Variants in TMEM266 observed in about 807,000 individuals in gnomAD.
The protein encoded by TMEM266 is Hv1 related protein 1.
TMEM266 carries 33 observed loss-of-function variants against 50.5 expected under a neutral mutation model. That is an observed-to-expected ratio of 0.65 (90% CI 0.50 to 0.87). The LOEUF is 0.87. Among genes scored for constraint, TMEM266 ranks in the 40% least tolerant of loss-of-function variants. The pLI is 0.00. For synonymous variants in TMEM266, 310 were observed against 292.3 expected, an observed-to-expected ratio of 1.06 and a Z score of -0.62; for missense variants, 655 against 695.1, an observed-to-expected ratio of 0.94 and a Z score of 0.65.
At chr15:76,149,618 A>T (rs763149627) in intron 3 of TMEM266, among the ~76,000 whole-genome samples, 49 of 152,210 alleles carry the variant, frequency 3.2e-4, no homozygotes, top group Non-Finnish European at 1.5e-4. Flanking sequence ...CATTTCAGGG[A>T]TTAGGAAACT....
At chr15:76,066,634 C>T (rs2036425852) in intron 1 of TMEM266, among the ~76,000 whole-genome samples, 1 of 148,208 alleles carries the variant, frequency 6.7e-6, no homozygotes, top group Non-Finnish European at 1.5e-5. Context: ...GGAAGGGCTG[C>T]CTACTTAAAA....
intron 4 of TMEM266, among the ~76,000 whole-genome samples, chr15:76,158,948 G>A (rs1027421669): frequency 1.3e-5 from 2 of 152,186 alleles, no homozygotes; most frequent in Admixed American, 6.5e-5. Context: ...CCAGAGCTTC[G>A]GGAGAGGTTG....
intron 1 of TMEM266, among the ~76,000 whole-genome samples, chr15:76,071,241 C>T (rs1405136502): frequency 6.6e-6 from 1 of 152,180 alleles, no homozygotes; most frequent in African/African-American, 2.4e-5. Context: ...GGATTCCTGT[C>T]ATGGGATGTC....
At chr15:76,091,266 A>G (rs1404593200) in intron 1 of TMEM266, among the ~76,000 whole-genome samples, 1 of 152,188 alleles carries the variant, frequency 6.6e-6, no homozygotes, top group African/African-American at 2.4e-5. Flanking sequence ...AAATTACTTG[A>G]GGGTGTACTC....
At position 76,191,917 on chromosome 15, in the gene TMEM266, C is replaced by G. The variant is rs530571797; in HGVS notation, c.769-51C>G. 2.7e-6 allele frequency: 4 copies of G among 1,497,978 alleles called. No homozygotes were observed. The South Asian group carries it at 4.0e-5, about 15-fold the overall frequency. The allele number at this position is 1,497,978 out of a possible 1,614,324, so 92.8% of individuals were successfully genotyped here. A position where few individuals can be genotyped will look rare whatever the true frequency, so the allele number is the denominator to read the frequency against. ...AAGCGCCCAGAGGTCAGGCTGGAGG[C>G]CCCCGCCGGCCCCTCGCCGCTGATT... On this transcript the variant is annotated intron_variant, in intron 8 of 10. Transcript: ENST00000388942.
rs574228267 is a variant in TMEM266 at position 76,173,862 on chromosome 15, G to A, written c.653-1697G>A. ...GCATGAGAATCGCTTGAACCCAGGA[G>A]GTAGGGGTTGCAGTGAGCTGAGATC... On this transcript the variant is annotated intron_variant, in intron 7 of 10. Coordinates refer to ENST00000388942, the MANE Select transcript of TMEM266 (RefSeq NM_152335.3). 2.6e-4 allele frequency among the ~76,000 whole-genome samples: 40 copies of A among 151,978 alleles called. 1 individual carries two copies. The South Asian group carries it at 8.1e-3, about 31-fold the overall frequency.
chr15:76,089,109 A>AG (rs1369504576), intron 1 of TMEM266, among the ~76,000 whole-genome samples: 59 of 149,566 alleles, frequency 3.9e-4, no homozygotes, highest in African/African-American at 1.4e-3. Flanking sequence ...AAAAAAAAAA[A>AG]AAAAAGAGGA....
At chr15:76,069,833 A>T (rs918766469) in intron 1 of TMEM266, among the ~76,000 whole-genome samples, 1 of 152,106 alleles carries the variant, frequency 6.6e-6, no homozygotes. Flanking sequence ...AGAAAAAAAA[A>T]AAAGAAACCT....
At chr15:76,075,926 G>A (rs530436472) in intron 1 of TMEM266, among the ~76,000 whole-genome samples, 1 of 123,616 alleles carries the variant, frequency 8.1e-6, no homozygotes, top group African/African-American at 3.1e-5. Context: ...GCACAATCAT[G>A]GGTCGCTGCT....
intron 1 of TMEM266, 80 bp from the exon 2 acceptor site, chr15:76,134,088 A>T: frequency 1.7e-6 from 1 of 582,690 alleles, no homozygotes; most frequent in Non-Finnish European, 3.0e-6. Context: ...AGAAAGTTCT[A>T]AGGACTCCCA....
At chr15:76,201,073 C>T (rs2038738766) in intron 9 of TMEM266, among the ~76,000 whole-genome samples, 1 of 152,176 alleles carries the variant, frequency 6.6e-6, no homozygotes, top group Non-Finnish European at 1.5e-5. Flanking sequence ...CTAGGGGCAG[C>T]CCTGGAGCAC....
chr15:76,127,646 T>G (rs1451118180), intron 1 of TMEM266, among the ~76,000 whole-genome samples: 1 of 152,144 alleles, frequency 6.6e-6, no homozygotes, highest in Non-Finnish European at 1.5e-5. Context: ...ATTGCCTAAG[T>G]CACTGCTAGG....
chr15:76,203,862 C>G lies in TMEM266; in HGVS notation c.1143C>G (p.Gly381=), dbSNP rs199952661. The stretch of plus-strand genomic sequence containing the variant: ...TGCCCCTCAAACTCGGCGGTAATGG[C>G]ACCAGCGCCACCTCGGAGAGTGCCT... The change falls in exon 11 of 11, where the codon GGC becomes GGG. Residue 381 remains glycine (G), a synonymous_variant. Transcript: ENST00000388942. 3.2e-5 allele frequency: 52 copies of G among 1,614,086 alleles called. No homozygotes were observed. In the South Asian group the frequency reaches 3.8e-4, roughly 12 times the overall value.
rs138314096 is a variant in TMEM266, at chr15:76,193,790, C to T, written c.958+1633C>T. Among the ~76,000 whole-genome samples, 495 of 152,324 alleles carry T rather than the reference C, an allele frequency of 3.2e-3. 1 individual carries two copies. The highest frequency in any genetic ancestry group is 0.011 in the African/African-American group (469 of 41,576). On this transcript the variant is annotated intron_variant, in intron 9 of 10. Transcript: ENST00000388942. ...GCCTCCCCACCAGCTGTGGGTTTCA[C>T]GCACAGGCAGTGCCATCCCAGCTGA... is the stretch of plus-strand genomic sequence containing the variant.
intron 2 of TMEM266, among the ~76,000 whole-genome samples, chr15:76,136,778 G>A (rs1448668299): frequency 6.6e-6 from 1 of 152,208 alleles, no homozygotes; most frequent in Admixed American, 6.5e-5. Flanking sequence ...GGACAGGGTT[G>A]CTGTGGGTAT....
intron 2 of TMEM266, among the ~76,000 whole-genome samples, chr15:76,136,932 A>C (rs2037598793): frequency 6.6e-6 from 1 of 152,210 alleles, no homozygotes; most frequent in South Asian, 2.1e-4. Flanking sequence ...CCCCTGGTAG[A>C]TTGGGAGGCG....
rs1366768548 is a variant in TMEM266 at position 76,139,220 on chromosome 15, C to T, written c.227+1325C>T. ...GCTTGTTTCTGGAAGGAGCTTCCCACTTCCTGAGATAAACCGCCTAACAAT... is the reference window on the plus strand; with the variant it reads ...GCTTGTTTCTGGAAGGAGCTTCCCATTTCCTGAGATAAACCGCCTAACAAT... On this transcript the variant is annotated intron_variant, in intron 3 of 10. Transcript: ENST00000388942. This position sits in a 1 kb window ranked among gnomAD's most constrained non-coding sequence, Gnocchi z 4.1. Among the ~76,000 whole-genome samples the T allele has an allele frequency of 6.6e-6, 1 of 152,246 alleles. No individual in the cohort carries two copies. Among genetic ancestry groups the T allele is most frequent in the Non-Finnish European group, 1.5e-5 (1 of 68,040 alleles).
intron 1 of TMEM266, among the ~76,000 whole-genome samples, chr15:76,060,561 G>C (rs1436498304): frequency 6.6e-6 from 1 of 152,196 alleles, no homozygotes; most frequent in Non-Finnish European, 1.5e-5. Flanking sequence ...AAGGGATGGT[G>C]GGTCTTCACC....
chr15:76,097,040 A>G (rs946178752), intron 1 of TMEM266, among the ~76,000 whole-genome samples: 4 of 150,812 alleles, frequency 2.7e-5, no homozygotes, highest in Admixed American at 2.0e-4. Context: ...TGAATACAGC[A>G]CACAGATGGG....
Sources: allele counts gnomAD v4.1 joint callset (sites outside exome capture counted in the v4.1 genomes callset), GRCh38; gene constraint gnomAD v4.1.1; non-coding constraint Gnocchi (gnomAD v3.1); transcripts MANE v1.5; gene names NCBI Gene and HGNC (gene_info 2026-07-23, HGNC 2026-07-21).